The following COLEC10 variants were observed in gnomAD, a reference collection of about 807,000 sequenced individuals.
COLEC10 encodes collectin subfamily member 10, also known as collectin-10.
A neutral mutation model predicts 28.4 loss-of-function variants in COLEC10; 22 were observed. The ratio of observed to expected loss-of-function variants is 0.78; its 90% confidence interval spans 0.55 to 1.11. The LOEUF (loss-of-function observed/expected upper bound fraction) is 1.11, where lower values mean the gene tolerates loss of function less well. Among genes scored for constraint, COLEC10 ranks in the 50% least tolerant of loss-of-function variants. The probability of loss-of-function intolerance (pLI) is 0.00; values close to 1 mark genes in which losing one functional copy is unlikely to be tolerated. For synonymous variants in COLEC10, 125 were observed against 116.1 expected, an observed-to-expected ratio of 1.08 and a Z score of -0.49; for missense variants, 361 against 344.1, an observed-to-expected ratio of 1.05 and a Z score of -0.39.
intron 2 of COLEC10, among the ~76,000 whole-genome samples, chr8:119,054,903 T>C (rs1814736622): frequency 6.6e-6 from 1 of 152,124 alleles, no homozygotes; most frequent in South Asian, 2.1e-4. Context: ...ACATAGAAAA[T>C]GAAGGCTATT....
intron 1 of COLEC10, among the ~76,000 whole-genome samples, chr8:119,081,249 G>T (rs1815361058): frequency 6.6e-6 from 1 of 152,064 alleles, no homozygotes; most frequent in Non-Finnish European, 1.5e-5. Context: ...AGCATCTTTG[G>T]ATGTGAATCT....
intron 1 of COLEC10, among the ~76,000 whole-genome samples, chr8:119,088,536 A>T (rs1245559069): frequency 6.6e-6 from 1 of 152,172 alleles, no homozygotes; most frequent in Non-Finnish European, 1.5e-5. Context: ...ATCACAAGTT[A>T]CTCTCGCTCA....
chr8:119,093,753 T>A (rs1587060306), intron 3 of COLEC10, among the ~76,000 whole-genome samples: 1 of 152,336 alleles, frequency 6.6e-6, no homozygotes, highest in East Asian at 1.9e-4. Flanking sequence ...ATGGATGATA[T>A]ATTTGTTTAG....
intron 1 of COLEC10, chr8:119,068,329 T>G (rs1815015490): frequency 6.6e-6 from 1 of 152,226 alleles, no homozygotes; most frequent in South Asian, 2.1e-4. Context: ...TCTTAATCAC[T>G]GAATTAATTT....
At chr8:119,038,577 A>G (rs1814433367) in intron 2 of COLEC10, among the ~76,000 whole-genome samples, 1 of 152,240 alleles carries the variant, frequency 6.6e-6, no homozygotes. Context: ...AAAAGTTGAT[A>G]TGCATTTACT....
intron 2 of COLEC10, among the ~76,000 whole-genome samples, chr8:119,040,105 T>A (rs1314900028): frequency 2.0e-5 from 3 of 152,166 alleles, no homozygotes; most frequent in African/African-American, 7.2e-5. Context: ...CCGTAAAGAA[T>A]CTTCTATCTC....
At chr8:119,041,247 G>A (rs775149670) in intron 2 of COLEC10, among the ~76,000 whole-genome samples, 2 of 143,712 alleles carry the variant, frequency 1.4e-5, no homozygotes, top group Non-Finnish European at 3.0e-5. Flanking sequence ...ATGCTCAGCA[G>A]AGAATCTGTT....
intron 2 of COLEC10, among the ~76,000 whole-genome samples, chr8:119,044,064 TG>T (rs1454000326): frequency 6.6e-6 from 1 of 152,242 alleles, no homozygotes; most frequent in Non-Finnish European, 1.5e-5. Flanking sequence ...ATTAGGCTGT[TG>T]GAAGCACTGA....
intron 2 of COLEC10, among the ~76,000 whole-genome samples, chr8:119,033,031 AG>A (rs11331930): frequency 0.017 from 2,537 of 152,282 alleles, 28 homozygotes; most frequent in Middle Eastern, 0.031. Context: ...TTTACGCTGT[AG>A]TTAGGCTGTG....
chr8:118,979,999 G>T, the COLEC10 span, among the ~76,000 whole-genome samples: 1 of 152,060 alleles, frequency 6.6e-6, no homozygotes, highest in African/African-American at 2.4e-5. Context: ...CTTCCCCGGT[G>T]TGAGTAATCT....
intron 2 of COLEC10, among the ~76,000 whole-genome samples, chr8:119,019,721 C>T (rs1814059332): frequency 6.6e-6 from 1 of 152,110 alleles, no homozygotes; most frequent in African/African-American, 2.4e-5. Context: ...TAATGCATGC[C>T]CTTCTCACGA....
intron 2 of COLEC10, among the ~76,000 whole-genome samples, chr8:119,040,319 C>A (rs554194969): frequency 6.6e-6 from 1 of 152,196 alleles, no homozygotes; most frequent in East Asian, 1.9e-4. Flanking sequence ...CGTGACCTAT[C>A]AAGGCTATGG....
At chr8:119,049,848 C>T (rs535289925) in intron 2 of COLEC10, among the ~76,000 whole-genome samples, 36 of 152,306 alleles carry the variant, frequency 2.4e-4, no homozygotes, top group African/African-American at 8.7e-4. Context: ...TACTGTCTGT[C>T]TCCATTAATG....
the COLEC10 span, among the ~76,000 whole-genome samples, chr8:118,972,124 T>G: frequency 1.3e-5 from 2 of 151,968 alleles, no homozygotes; most frequent in Admixed American, 1.3e-4. Flanking sequence ...GATTTGAAAC[T>G]TCCAATTTTT....
intron 3 of COLEC10, among the ~76,000 whole-genome samples, chr8:119,099,113 G>C (rs1399878370): frequency 6.6e-6 from 1 of 151,942 alleles, no homozygotes; most frequent in African/African-American, 2.4e-5. Flanking sequence ...ATCCATTTAC[G>C]CTGAAAGCAT....
chr8:119,073,969 CATATATATACACGT>C (rs1332207732), intron 1 of COLEC10, among the ~76,000 whole-genome samples: 8 of 132,134 alleles, frequency 6.1e-5, no homozygotes, highest in Non-Finnish European at 1.3e-4. Flanking sequence ...CACATATACA[CATATATATACACGT>C]ATATATATAC....
intron 2 of COLEC10, 90 bp from the exon 3 acceptor site, chr8:119,091,059 T>C (rs1030094861): frequency 2.1e-6 from 2 of 963,120 alleles, no homozygotes; most frequent in Non-Finnish European, 3.3e-6. Context: ...AATATACTTG[T>C]TGGTATTTCT....
chr8:119,044,795 C>A (rs1430375417), intron 2 of COLEC10, among the ~76,000 whole-genome samples: 1 of 149,980 alleles, frequency 6.7e-6, no homozygotes, highest in East Asian at 2.0e-4. Flanking sequence ...GCAGAGGATG[C>A]AGTGAGCCGA....
intron 1 of COLEC10, among the ~76,000 whole-genome samples, chr8:119,007,292 C>A (rs539623930): frequency 6.6e-6 from 1 of 152,074 alleles, no homozygotes; most frequent in African/African-American, 2.4e-5. Context: ...TTGGATAGAA[C>A]CTACATTAAA....
Sources: allele counts gnomAD v4.1 joint callset (sites outside exome capture counted in the v4.1 genomes callset), GRCh38; gene constraint gnomAD v4.1.1; transcripts MANE v1.5; gene names NCBI Gene and HGNC (gene_info 2026-07-23, HGNC 2026-07-21).